ITGB7: variants seen among roughly 807,000 people sequenced by gnomAD.
ITGB7 encodes the protein integrin beta-7.
A neutral mutation model predicts 83.4 loss-of-function variants in ITGB7; 55 were observed. That is an observed-to-expected ratio of 0.66 (90% CI 0.53 to 0.83). The LOEUF is 0.83. ITGB7 is among the 40% of genes least tolerant of loss of function. The pLI, the probability that ITGB7 is intolerant of heterozygous loss-of-function variation, is 0.00. For synonymous variants in ITGB7, 454 were observed against 423.6 expected, an observed-to-expected ratio of 1.07 and a Z score of -0.88; for missense variants, 921 against 1,046.7, an observed-to-expected ratio of 0.88 and a Z score of 1.66.
chr12:53,202,877 A>G (rs1942351646), intron 1 of ITGB7, among the ~76,000 whole-genome samples: 1 of 152,170 alleles, frequency 6.6e-6, no homozygotes, highest in Non-Finnish European at 1.5e-5. Flanking sequence ...TTCAACATGC[A>G]AAAGAATGAA....
chr12:53,192,164 C>A (rs1217081241), intron 14 of ITGB7, 145 bp from the exon 15 acceptor site: 6 of 1,218,066 alleles, frequency 4.9e-6, no homozygotes, highest in Non-Finnish European at 6.9e-6. Flanking sequence ...TCCTCACCGC[C>A]CAGGGCCTTA....
At chr12:53,203,910 T>A (rs953403910) in intron 1 of ITGB7, among the ~76,000 whole-genome samples, 1 of 152,062 alleles carries the variant, frequency 6.6e-6, no homozygotes, top group African/African-American at 2.4e-5. Context: ...CACTCTTAGG[T>A]ATATACTCAG....
At chr12:53,192,076 A>G in intron 14 of ITGB7, 57 bp from the exon 15 acceptor site, 1 of 1,566,876 alleles carries the variant, frequency 6.4e-7, no homozygotes, top group Non-Finnish European at 8.7e-7. Context: ...ACAGATCATC[A>G]GTTGCTCACA....
chr12:53,205,669 G>A lies in ITGB7; in HGVS notation c.-127+1533C>T, dbSNP rs115281983. 8.8e-3 allele frequency among the ~76,000 whole-genome samples: 1,339 copies of A among 152,128 alleles called. 20 individuals are homozygous for A. The highest frequency in any genetic ancestry group is 0.029 in the African/African-American group (1,221 of 41,462). On this transcript the variant is annotated intron_variant, in intron 1 of 15. Transcript: ENST00000267082. ...GGTATTGCCAACATAAACTCTTCAG[G>A]ACTTGTACTGGTCCACATTCCCATC...
At position 53,200,289 on chromosome 12, in the gene ITGB7, T is replaced by C. The variant is rs372928734; in HGVS notation, c.155A>G (p.Gln52Arg). The C allele has an allele frequency of 3.1e-6, 5 of 1,614,164 alleles. No individual in the cohort carries two copies. The highest frequency in any genetic ancestry group is 4.2e-6 in the Non-Finnish European group (5 of 1,180,032). The change falls in exon 3 of 16, where the codon CAG (glutamine) becomes CGG (arginine). Residue 52 changes from glutamine (Q) to arginine (R), a missense_variant. Gln to Arg is a conservative substitution (Grantham distance 43). Coordinates refer to ENST00000267082, the MANE Select transcript of ITGB7 (RefSeq NM_000889.3). ...LGSCQPAPSC[Q>R]KCILSHPSCA... Reference sequence around the variant, plus strand: ...GCTGGGGTGTGAGAGGATGCACTTCTGGCAGGAGGGGGCTGGCTGGCAGGA... The same window carrying C: ...GCTGGGGTGTGAGAGGATGCACTTCCGGCAGGAGGGGGCTGGCTGGCAGGA...
At chr12:53,197,397 A>T (rs1942201742) in intron 5 of ITGB7, 96 bp downstream of exon 5, 1 of 1,432,254 alleles carries the variant, frequency 7.0e-7, no homozygotes. Context: ...CTGGGAGGGC[A>T]AGTTGGGGCC....
At chr12:53,195,898 G>T in intron 7 of ITGB7, 143 bp downstream of exon 7, 1 of 1,051,926 alleles carries the variant, frequency 9.5e-7, no homozygotes, top group Non-Finnish European at 1.4e-6. Context: ...TGTCTCGGCA[G>T]CTGAAAGGAG....
chr12:53,196,566 C>T lies in ITGB7; in HGVS notation c.816+13G>A. ...CAGACCTCCAGGCTCAGATCCCCGC[C>T]CCACCTCCTCACCTGGCAGAGTGCA... On this transcript the variant is annotated intron_variant, in intron 6 of 15. Coordinates refer to ENST00000267082, the MANE Select transcript of ITGB7 (RefSeq NM_000889.3). The T allele has an allele frequency of 1.2e-6, 2 of 1,601,976 alleles. No homozygotes were observed. Among genetic ancestry groups the T allele is most frequent in the East Asian group, 4.5e-5 (2 of 44,542 alleles).
chr12:53,192,702 G>C lies in ITGB7; in HGVS notation c.1935C>G (p.Cys645Trp), dbSNP rs772615225. 1 of 1,613,754 alleles carries C rather than the reference G, an allele frequency of 6.2e-7. No individual in the cohort carries two copies. The highest frequency in any genetic ancestry group is 2.2e-5 in the East Asian group (1 of 44,858). Residue 645 changes from cysteine (C) to tryptophan (W), a missense_variant, in exon 13 of 16, where the codon TGC (cysteine) becomes TGG (tryptophan). By Grantham distance (215) the Cys-to-Trp change is radical. Transcript: ENST00000267082. The stretch of plus-strand genomic sequence containing the variant: ...ACCTGAGGCCTCACCGGTGTCTCTC[G>C]CATGGTGTCTTGCAGCCTGGGCATT... ...CDQCPGCKTP[C>W]ERHRDCAECG...
Position 53,197,499 on chromosome 12 carries a change from G to T in ITGB7, c.568C>A (p.Arg190Ser), listed in dbSNP as rs1942206025. ...GAGGCAGCGCTCGGCTCACCAATGC[G>T]CACAGAATGGGTGACTTCCTGCAGC... ...VRLQEVTHSV[R>S]IGFGSFVDKT... Residue 190 changes from arginine (R) to serine (S), a missense_variant, in exon 5 of 16, where the codon CGC (arginine) becomes AGC (serine). By Grantham distance (110) the Arg-to-Ser change is moderately radical. Transcript: ENST00000267082. 6.2e-7 allele frequency: 1 copy of T among 1,614,044 alleles called. No homozygotes were observed.
chr12:53,197,477 G>GCAGCGCT lies in ITGB7; in HGVS notation c.574+9_574+15dup. The stretch of plus-strand genomic sequence containing the variant: ...TAGGCAAGGGCTAACAGGGCGGGAG[G>GCAGCGCT]CAGCGCTCGGCTCACCAATGCGCAC... On this transcript the variant is annotated intron_variant, in intron 5 of 15. Transcript: ENST00000267082. 1 of 1,613,922 alleles carries GCAGCGCT rather than the reference G, an allele frequency of 6.2e-7. No homozygotes were observed. Among genetic ancestry groups the GCAGCGCT allele is most frequent in the Non-Finnish European group, 8.5e-7 (1 of 1,179,810 alleles).
rs1039829772 is a variant in ITGB7, at chr12:53,193,373, G to T, written c.1503-10C>A. ...GCGGCCAGGGGCACAGCTGGAAGGG[G>T]AAGGCAAAGGAGAGAAGTAGGTCAG... On this transcript the variant is annotated splice_polypyrimidine_tract_variant and intron_variant, in intron 11 of 15. Coordinates refer to ENST00000267082, the MANE Select transcript of ITGB7 (RefSeq NM_000889.3). The T allele has an allele frequency of 6.4e-7, 1 of 1,553,484 alleles. No homozygotes were observed. Among genetic ancestry groups the T allele is most frequent in the African/African-American group, 1.4e-5 (1 of 73,344 alleles).
chr12:53,197,395 G>T, intron 5 of ITGB7, 98 bp downstream of exon 5: 1 of 1,403,460 alleles, frequency 7.1e-7, no homozygotes, highest in Non-Finnish European at 1.0e-6. Flanking sequence ...AACTGGGAGG[G>T]CAAGTTGGGG....
At chr12:53,195,519 C>T (rs539148871) in intron 8 of ITGB7, 56 bp from the exon 9 acceptor site, 16 of 1,544,034 alleles carry the variant, frequency 1.0e-5, no homozygotes, top group Non-Finnish European at 1.4e-5. Context: ...AAAATGGGCT[C>T]CCGGAGGTCT....
At chr12:53,197,729 G>GC (rs1942213898) in intron 4 of ITGB7, 21 bp downstream of exon 4, 5 of 1,585,796 alleles carry the variant, frequency 3.2e-6, no homozygotes, top group Non-Finnish European at 4.3e-6. Flanking sequence ...CTCTGGCCTG[G>GC]CCCCGCCTCC....
chr12:53,197,225 T>G (rs1463841782), intron 5 of ITGB7: 2 of 576,612 alleles, frequency 3.5e-6, no homozygotes, highest in Non-Finnish European at 6.2e-6. Flanking sequence ...CCAGGGCAGC[T>G]GTCCAGGCCC....
Position 53,197,961 on chromosome 12 carries a change from A to G in ITGB7, c.202-10T>C, listed in dbSNP as rs1942224049. ...CCGACGCGGTGAAGTTCTGCTCAGC[A>G]AGAAAAGGCGCGTCGGGACCCGGTC... On this transcript the variant is annotated splice_polypyrimidine_tract_variant and intron_variant, in intron 3 of 15. Transcript: ENST00000267082. 6.5e-7 allele frequency: 1 copy of G among 1,532,806 alleles called. No homozygotes were observed. Among genetic ancestry groups the G allele is most frequent in the Non-Finnish European group, 8.7e-7 (1 of 1,146,146 alleles). 95.0% of individuals were successfully genotyped at this position (1,532,806 alleles called of 1,614,324 possible). A position where few individuals can be genotyped will look rare whatever the true frequency, so the allele number is the denominator to read the frequency against.
At chr12:53,195,833 T>C in intron 7 of ITGB7, 112 bp from the exon 8 acceptor site, 1 of 1,054,582 alleles carries the variant, frequency 9.5e-7, no homozygotes, top group South Asian at 1.4e-5. Context: ...GGAGGAGCCC[T>C]GGAGGCTTGC....
chr12:53,195,362 C>G lies in ITGB7; in HGVS notation c.1161+12G>C, dbSNP rs921191367. 2 of 1,600,842 alleles carry G rather than the reference C, an allele frequency of 1.2e-6. No individual in the cohort carries two copies. The highest frequency in any genetic ancestry group is 8.6e-7 in the Non-Finnish European group (1 of 1,168,460). ...CCCACCCTCACCATCTCCCCTTCCC[C>G]TGGCCCCTCACATTATAAGCATCCA... On this transcript the variant is annotated intron_variant, in intron 9 of 15. Coordinates refer to ENST00000267082, the MANE Select transcript of ITGB7 (RefSeq NM_000889.3).
Sources: allele counts gnomAD v4.1 joint callset (sites outside exome capture counted in the v4.1 genomes callset), GRCh38; gene constraint gnomAD v4.1.1; transcripts MANE v1.5; gene names NCBI Gene and HGNC (gene_info 2026-07-23, HGNC 2026-07-21).